The following GMDS variants were observed in gnomAD, a reference collection of about 807,000 sequenced individuals.
GMDS encodes the protein GDP-mannose 4,6-dehydratase.
In GMDS, 20 loss-of-function variants were observed where a neutral mutation model predicts 49.9. That is an observed-to-expected ratio of 0.40 (90% CI 0.28 to 0.58). GMDS has a LOEUF of 0.58. Ranked by LOEUF, GMDS falls within the 20% of genes least tolerant of loss-of-function variation. The pLI is 0.42. For missense variants in GMDS, 362 were observed against 481.4 expected (o/e 0.75, Z 2.32); for synonymous variants, 177 against 178.6 (o/e 0.99, Z 0.07).
At chr6:2,060,703 G>C (rs1290258909) in intron 4 of GMDS, among the ~76,000 whole-genome samples, 1 of 152,172 alleles carries the variant, frequency 6.6e-6, no homozygotes, top group Non-Finnish European at 1.5e-5. Context: ...TGTCAAACAA[G>C]GTGAGGGAAC....
intron 7 of GMDS, among the ~76,000 whole-genome samples, chr6:1,860,366 C>A (rs1445499802): frequency 6.6e-6 from 1 of 152,028 alleles, no homozygotes; most frequent in East Asian, 1.9e-4. Flanking sequence ...AGACAGACTC[C>A]AAAAGTTACC....
chr6:2,128,176 CTT>C (rs142248059), intron 1 of GMDS, among the ~76,000 whole-genome samples: 26 of 139,664 alleles, frequency 1.9e-4, no homozygotes, highest in Admixed American at 2.1e-4. Flanking sequence ...AAATATTTTC[CTT>C]TTTTTTTTTT....
intron 4 of GMDS, among the ~76,000 whole-genome samples, chr6:1,975,313 G>C (rs74465861): frequency 2.6e-5 from 4 of 152,154 alleles, no homozygotes; most frequent in East Asian, 1.9e-4. Context: ...AATTCACCTA[G>C]ACTGTCATAG....
chr6:2,068,954 G>A (rs566250557), intron 4 of GMDS, among the ~76,000 whole-genome samples: 5 of 152,126 alleles, frequency 3.3e-5, no homozygotes, highest in Admixed American at 6.5e-5. Context: ...AGCCTGCATC[G>A]CCAAGTCAAG....
At chr6:1,802,344 C>CA (rs1224414566) in intron 7 of GMDS, among the ~76,000 whole-genome samples, 3 of 151,316 alleles carry the variant, frequency 2.0e-5, no homozygotes, top group African/African-American at 4.9e-5. Context: ...TCTGTGAGAC[C>CA]AAAAAAAATA....
chr6:2,133,950 C>A (rs936101871), intron 1 of GMDS, among the ~76,000 whole-genome samples: 4 of 152,196 alleles, frequency 2.6e-5, no homozygotes, highest in African/African-American at 9.6e-5. Context: ...TGGCAAAACT[C>A]CATTCTGTGG....
Position 1,716,613 on chromosome 6 carries a change from G to A in GMDS, c.987+9803C>T, listed in dbSNP as rs1321533472. 2.0e-5 allele frequency among the ~76,000 whole-genome samples: 3 copies of A among 152,158 alleles called. No homozygotes were observed. In the East Asian group the frequency reaches 5.8e-4, roughly 29 times the overall value. ...GGCTGCGTGAGAGAAGGCCTGGCCAGGGCAGGGTGTGGTGATATTGGCTCT... is the reference window on the plus strand; with the variant it reads ...GGCTGCGTGAGAGAAGGCCTGGCCAAGGCAGGGTGTGGTGATATTGGCTCT... On this transcript the variant is annotated intron_variant, in intron 9 of 10. Coordinates refer to ENST00000380815, the MANE Select transcript of GMDS (RefSeq NM_001500.4).
chr6:1,722,719 A>T lies in GMDS; in HGVS notation c.987+3697T>A, dbSNP rs143563045. On this transcript the variant is annotated intron_variant, in intron 9 of 10. Transcript: ENST00000380815. ...CTAGTAATCAATAGGTTTCAAACTC[A>T]GGCAGTTTGGCCAACAGGCCCACAT... Among the ~76,000 whole-genome samples the T allele has an allele frequency of 9.6e-3, 1,466 of 152,368 alleles. 12 individuals carry two copies. Among genetic ancestry groups the T allele is most frequent in the Middle Eastern group, 0.044 (13 of 294 alleles).
intron 1 of GMDS, among the ~76,000 whole-genome samples, chr6:2,189,963 G>A (rs1249336721): frequency 1.3e-5 from 2 of 152,136 alleles, no homozygotes; most frequent in Non-Finnish European, 2.9e-5. Flanking sequence ...GAGATTATGG[G>A]GTAACTCGTG....
At chr6:1,656,847 T>C (rs1051747008) in intron 9 of GMDS, among the ~76,000 whole-genome samples, 1 of 152,188 alleles carries the variant, frequency 6.6e-6, no homozygotes, top group Middle Eastern at 3.4e-3. Context: ...ATAACTGAGA[T>C]ACTACCTGTA....
chr6:1,975,223 G>A (rs1243444723), intron 4 of GMDS, among the ~76,000 whole-genome samples: 2 of 152,134 alleles, frequency 1.3e-5, no homozygotes, highest in Admixed American at 6.5e-5. Flanking sequence ...AATCAATACC[G>A]CCTCACGATT....
chr6:1,739,110 C>T (rs987828088), intron 8 of GMDS, among the ~76,000 whole-genome samples: 1 of 152,222 alleles, frequency 6.6e-6, no homozygotes, highest in Admixed American at 6.5e-5. Context: ...AGACCTGGGT[C>T]TGTGTTCACT....
chr6:2,198,335 C>T (rs1281029205), intron 1 of GMDS, among the ~76,000 whole-genome samples: 1 of 152,106 alleles, frequency 6.6e-6, no homozygotes, highest in Non-Finnish European at 1.5e-5. Flanking sequence ...CACTTCCTGC[C>T]TCAAAATAGG....
chr6:2,023,720 C>A (rs1768409860), intron 4 of GMDS, among the ~76,000 whole-genome samples: 1 of 152,080 alleles, frequency 6.6e-6, no homozygotes, highest in African/African-American at 2.4e-5. Context: ...AAATTATCCC[C>A]AAATGGGTAA....
chr6:1,639,500 C>T (rs550617484), intron 9 of GMDS, among the ~76,000 whole-genome samples: 9 of 152,346 alleles, frequency 5.9e-5, no homozygotes, highest in East Asian at 3.9e-4. Context: ...CCGTTTAGTA[C>T]GGCTGGGGGC....
chr6:1,985,956 T>C (rs903500398), intron 4 of GMDS, among the ~76,000 whole-genome samples: 28 of 152,234 alleles, frequency 1.8e-4, no homozygotes, highest in African/African-American at 6.3e-4. Context: ...ATTTCCATAA[T>C]ACAAGAACCA....
chr6:1,680,600 G>A (rs911785899), intron 9 of GMDS, among the ~76,000 whole-genome samples: 5 of 152,164 alleles, frequency 3.3e-5, no homozygotes, highest in African/African-American at 1.2e-4. Context: ...GCCAGGACAC[G>A]CAAGGTCATA....
chr6:2,204,598 T>C (rs1268691749), intron 1 of GMDS, among the ~76,000 whole-genome samples: 2 of 152,232 alleles, frequency 1.3e-5, no homozygotes. Flanking sequence ...GAAATTCAGT[T>C]GTGCAATTGC....
At chr6:1,697,150 T>C (rs755146575) in intron 9 of GMDS, among the ~76,000 whole-genome samples, 9 of 152,230 alleles carry the variant, frequency 5.9e-5, no homozygotes, top group Non-Finnish European at 1.0e-4. Flanking sequence ...TTAAGGTGGA[T>C]GTGATTCCTA....
Sources: gnomAD v4.1 joint callset for allele counts (sites outside exome capture counted in the v4.1 genomes callset) on GRCh38, gnomAD v4.1.1 for gene constraint, MANE v1.5 for transcripts, NCBI Gene and HGNC (gene_info 2026-07-23, HGNC 2026-07-21) for gene names.